Variants in ZNF519 observed in about 807,000 individuals in gnomAD.
The protein encoded by ZNF519 is similar to Zinc finger protein 85 (Zinc finger protein HPF4) (HTF1).
A neutral mutation model predicts 7.4 loss-of-function variants in ZNF519; 7 were observed. The ratio of observed to expected loss-of-function variants is 0.94; its 90% confidence interval spans 0.54 to 1.77. The LOEUF (loss-of-function observed/expected upper bound fraction) is 1.77, where lower values mean the gene tolerates loss of function less well. ZNF519 is among the 40% of genes most tolerant of loss of function. ZNF519 has a pLI of 0.00. For missense variants in ZNF519, 586 were observed against 623.1 expected, an observed-to-expected ratio of 0.94 and a Z score of 0.63; for synonymous variants, 179 against 203.3, an observed-to-expected ratio of 0.88 and a Z score of 1.02.
chr18:14,089,529 ATTTAT>A (rs1413122910), intron 2 of ZNF519, among the ~76,000 whole-genome samples: 1 of 146,258 alleles, frequency 6.8e-6, no homozygotes, highest in Non-Finnish European at 1.5e-5. Flanking sequence ...GTACACTGTG[ATTTAT>A]TTAACTTTTA....
At chr18:14,097,605 A>G (rs183524684), downstream of ZNF519, among the ~76,000 whole-genome samples, 38 of 152,342 alleles carry the variant, frequency 2.5e-4, no homozygotes, top group Non-Finnish European at 4.9e-4. Flanking sequence ...AAGGCAGTTG[A>G]TGCATTTGGT....
intron 2 of ZNF519, chr18:14,091,034 T>C (rs960199577): frequency 6.6e-6 from 1 of 152,192 alleles, no homozygotes; most frequent in African/African-American, 2.4e-5. Flanking sequence ...TTTTCTAGAG[T>C]TATATTTCTA....
downstream of ZNF519, chr18:14,075,691 A>G (rs2046045058): frequency 6.6e-6 from 1 of 152,204 alleles, no homozygotes; most frequent in Non-Finnish European, 1.5e-5. Flanking sequence ...CAGGAACCCA[A>G]TTATGGTCTG....
intron 1 of ZNF519, among the ~76,000 whole-genome samples, chr18:14,127,940 T>TGTGG (rs2046308936): frequency 6.6e-6 from 1 of 151,448 alleles, no homozygotes; most frequent in Non-Finnish European, 1.5e-5. Flanking sequence ...TAACATCTAG[T>TGTGG]AATGCTGGAC....
chr18:14,078,119 G>C lies in ZNF519; in HGVS notation c.*276+81C>G, dbSNP rs144417976. On this transcript the variant is annotated intron_variant and NMD_transcript_variant, in intron 4 of 4. Coordinates refer to the ZNF519 transcript ENST00000587419. ...TGAGCAGTTCACAATAGGGTTTGCT[G>C]CTTCTGTGAGAATCTAATGCCACTG... 1.4e-3 allele frequency: 207 copies of C among 152,298 alleles called. 3 individuals are homozygous for C. Among genetic ancestry groups the C allele is most frequent in the African/African-American group, 4.8e-3 (199 of 41,540 alleles). 9.4% of individuals were successfully genotyped at this position (152,298 alleles called of 1,614,324 possible).
At chr18:14,128,318 C>A (rs983875048) in intron 1 of ZNF519, among the ~76,000 whole-genome samples, 1 of 106,096 alleles carries the variant, frequency 9.4e-6, no homozygotes, top group Non-Finnish European at 2.0e-5. Flanking sequence ...ACAAACTCTC[C>A]ACCATAACAG....
chr18:14,117,008 T>C (rs1037081060), intron 2 of ZNF519, among the ~76,000 whole-genome samples: 3 of 152,118 alleles, frequency 2.0e-5, no homozygotes, highest in African/African-American at 7.2e-5. Context: ...CAAAACTCCA[T>C]CTCAAAATAA....
intron 2 of ZNF519, among the ~76,000 whole-genome samples, chr18:14,119,359 G>A (rs966708228): frequency 2.0e-5 from 3 of 152,156 alleles, no homozygotes; most frequent in Non-Finnish European, 2.9e-5. Flanking sequence ...CTGAGGTCAC[G>A]GTCTGTAGGT....
At chr18:14,089,920 G>C (rs910793289) in intron 2 of ZNF519, 1 of 152,288 alleles carries the variant, frequency 6.6e-6, no homozygotes, top group Non-Finnish European at 1.5e-5. Context: ...TGTTGTTCCA[G>C]TAGGATCCAC....
chr18:14,103,739 A>G lies in ZNF519; in HGVS notation c.*1178T>C, dbSNP rs1461905689. ...ATACCACTAAGGGTAAAAAAATGCT[A>G]AAGACAGCATGAACTAGACATACCC... On this transcript the variant is annotated 3_prime_UTR_variant, in exon 3 of 3. Transcript: ENST00000590202. The G allele has an allele frequency of 1.3e-5, 2 of 152,120 alleles. No homozygotes were observed. The highest frequency in any genetic ancestry group is 2.9e-5 in the Non-Finnish European group (2 of 67,976). 9.4% of individuals were successfully genotyped at this position (152,120 alleles called of 1,614,324 possible).
intron 3 of ZNF519, chr18:14,080,298 T>C (rs1696837167): frequency 6.8e-6 from 1 of 147,898 alleles, no homozygotes; most frequent in Non-Finnish European, 1.5e-5. Flanking sequence ...ACAGCCAGTT[T>C]GGATGACAAT....
rs563057332 is a variant in ZNF519 at position 14,109,501 on chromosome 18, T to C, written c.131-3092A>G. ...TCTTAAAACATTTTAAAAATTAAAA[T>C]AATATCAAGCATCTTTTCTGACTAC... On this transcript the variant is annotated intron_variant, in intron 2 of 2. Transcript: ENST00000590202. Among the ~76,000 whole-genome samples, 8 of 152,250 alleles carry C rather than the reference T, an allele frequency of 5.3e-5. No individual in the cohort carries two copies. The East Asian group carries it at 1.5e-3, about 29-fold the overall frequency.
chr18:14,092,914 A>T (rs1295015694), intron 2 of ZNF519, among the ~76,000 whole-genome samples: 1 of 152,216 alleles, frequency 6.6e-6, no homozygotes, highest in Non-Finnish European at 1.5e-5. Context: ...ACAGGGCTGC[A>T]TCCCTAGGAT....
intron 1 of ZNF519, 45 bp from the exon 2 acceptor site, chr18:14,124,521 A>C (rs2046287205): frequency 6.3e-7 from 1 of 1,589,692 alleles, no homozygotes; most frequent in African/African-American, 1.4e-5. Flanking sequence ...ATTTGACTAG[A>C]GATGAAATGA....
At chr18:14,075,499 T>C (rs2046044286), downstream of ZNF519, 2 of 152,236 alleles carry the variant, frequency 1.3e-5, no homozygotes, top group African/African-American at 4.8e-5. Context: ...AAAACAAGTT[T>C]GTACCTAATT....
chr18:14,084,062 A>C (rs2046080376), intron 3 of ZNF519: 1 of 152,086 alleles, frequency 6.6e-6, no homozygotes, highest in South Asian at 2.1e-4. Flanking sequence ...TGGAGATGGG[A>C]GGGGACTGAG....
At chr18:14,089,627 T>C (rs1040593611) in intron 2 of ZNF519, among the ~76,000 whole-genome samples, 1 of 152,118 alleles carries the variant, frequency 6.6e-6, no homozygotes, top group African/African-American at 2.4e-5. Context: ...GGTTAACAAG[T>C]TACAAGGAGG....
chr18:14,109,966 G>A (rs879705667), intron 2 of ZNF519, among the ~76,000 whole-genome samples: 1 of 152,092 alleles, frequency 6.6e-6, no homozygotes, highest in Non-Finnish European at 1.5e-5. Flanking sequence ...TACCAAAACA[G>A]CATGGTATTG....
At chr18:14,089,689 C>G (rs775788885) in intron 2 of ZNF519, among the ~76,000 whole-genome samples, 7 of 152,086 alleles carry the variant, frequency 4.6e-5, no homozygotes, top group Non-Finnish European at 8.8e-5. Flanking sequence ...CTGTTGTATA[C>G]TACAGGGAAT....
Sources: gnomAD v4.1 joint callset for allele counts (sites outside exome capture counted in the v4.1 genomes callset) on GRCh38, gnomAD v4.1.1 for gene constraint, MANE v1.5 for transcripts, NCBI Gene and HGNC (gene_info 2026-07-23, HGNC 2026-07-21) for gene names.